The following PAPPA variants were observed in gnomAD, a reference collection of about 807,000 sequenced individuals.
PAPPA encodes the protein pappalysin-1.
PAPPA carries 60 observed loss-of-function variants against 164.0 expected under a neutral mutation model. That is an observed-to-expected ratio of 0.37 (90% CI 0.30 to 0.45). The LOEUF is 0.45. Ranked by LOEUF, PAPPA falls within the 20% of genes least tolerant of loss-of-function variation. The pLI, the probability that PAPPA is intolerant of heterozygous loss-of-function variation, is 1.00. For synonymous variants in PAPPA, 875 were observed against 814.1 expected (o/e 1.07, Z -1.27); for missense variants, 1,782 against 2,087.3 (o/e 0.85, Z 2.85).
At chr9:116,199,319 G>A (rs115036752) in intron 2 of PAPPA, among the ~76,000 whole-genome samples, 4 of 152,188 alleles carry the variant, frequency 2.6e-5, no homozygotes, top group African/African-American at 9.6e-5. Context: ...AATAAAGGGG[G>A]CTTTGATATG....
At chr9:116,362,830 C>T in intron 18 of PAPPA, 91 bp downstream of exon 18, 1 of 1,261,366 alleles carries the variant, frequency 7.9e-7, no homozygotes, top group Non-Finnish European at 1.1e-6. Context: ...AACACCCTGG[C>T]CACATGAGTT....
intron 13 of PAPPA, among the ~76,000 whole-genome samples, chr9:116,338,901 CTGT>C (rs1846098326): frequency 6.6e-6 from 1 of 152,188 alleles, no homozygotes; most frequent in African/African-American, 2.4e-5. Flanking sequence ...TTATAGACCT[CTGT>C]TGTTTTGTTC....
At chr9:116,301,231 A>G (rs567309691) in intron 9 of PAPPA, among the ~76,000 whole-genome samples, 1 of 152,292 alleles carries the variant, frequency 6.6e-6, no homozygotes, top group Non-Finnish European at 1.5e-5. Flanking sequence ...AATTTTTAAT[A>G]GCACCACTAT....
chr9:116,339,122 G>A (rs934109482), intron 13 of PAPPA, among the ~76,000 whole-genome samples: 4 of 152,152 alleles, frequency 2.6e-5, no homozygotes, highest in Admixed American at 1.3e-4. Context: ...CAAGGCTGGT[G>A]TTCCATAGAC....
rs754684753 is a variant in PAPPA at position 116,352,864 on chromosome 9, T to C, written c.4123T>C (p.Tyr1375His). Residue 1375 changes from tyrosine to histidine, a missense_variant, in exon 16 of 22, where the codon TAC (tyrosine) becomes CAC (histidine). By Grantham distance (83) the Tyr-to-His change is moderately conservative (BLOSUM62 2). This residue lies in a region of PAPPA where 1,324 missense variants were observed against 1,656.9 expected (regional missense o/e 0.80). Transcript: ENST00000328252. Reference sequence around the variant, plus strand: ...GCACAAGGTGGGCTCCTTCTGCAAATACAAATGCAAGCCTGGATACCATGT... The same window carrying C: ...GCACAAGGTGGGCTCCTTCTGCAAACACAAATGCAAGCCTGGATACCATGT... The part of the protein sequence containing the change: ...NKHKVGSFCK[Y>H]KCKPGYHVPG... 1 of 1,614,060 alleles carries C rather than the reference T, an allele frequency of 6.2e-7. No homozygotes were observed. Among genetic ancestry groups the C allele is most frequent in the Middle Eastern group, 1.6e-4 (1 of 6,062 alleles).
chr9:116,241,172 T>C (rs908716509), intron 7 of PAPPA, among the ~76,000 whole-genome samples: 2 of 152,194 alleles, frequency 1.3e-5, no homozygotes, highest in Non-Finnish European at 2.9e-5. Context: ...TTAGAAACTT[T>C]AGTGCATTCA....
chr9:116,335,183 C>G, intron 13 of PAPPA, 109 bp downstream of exon 13: 1 of 872,572 alleles, frequency 1.1e-6, no homozygotes, highest in South Asian at 1.6e-5. Flanking sequence ...CTGTGCATTT[C>G]TCCCTTCTCC....
At chr9:116,204,103 T>C (rs140628453) in intron 2 of PAPPA, among the ~76,000 whole-genome samples, 22 of 152,288 alleles carry the variant, frequency 1.4e-4, no homozygotes, top group African/African-American at 5.1e-4. Context: ...TTTCTAGTTA[T>C]GTGCTGGGAC....
intron 4 of PAPPA, among the ~76,000 whole-genome samples, chr9:116,218,660 T>G (rs1316882532): frequency 6.6e-6 from 1 of 152,180 alleles, no homozygotes; most frequent in African/African-American, 2.4e-5. Context: ...CCAAGCTCCC[T>G]TAGCCTCAGA....
At chr9:116,229,627 G>A (rs907720235) in intron 6 of PAPPA, among the ~76,000 whole-genome samples, 3 of 152,188 alleles carry the variant, frequency 2.0e-5, no homozygotes, top group Non-Finnish European at 4.4e-5. Flanking sequence ...GGACGGGTTT[G>A]GATTCACAGC....
intron 1 of PAPPA, among the ~76,000 whole-genome samples, chr9:116,175,320 C>T (rs1454460029): frequency 2.6e-5 from 4 of 152,148 alleles, no homozygotes; most frequent in Non-Finnish European, 5.9e-5. Context: ...ATCTATTATA[C>T]AACATGATGA....
At chr9:116,341,452 A>G (rs938263962) in intron 13 of PAPPA, among the ~76,000 whole-genome samples, 3 of 151,930 alleles carry the variant, frequency 2.0e-5, no homozygotes, top group African/African-American at 7.3e-5. Flanking sequence ...TCTGCCCCAA[A>G]CCTGTGTATG....
chr9:116,240,635 T>C (rs538240336), intron 7 of PAPPA, among the ~76,000 whole-genome samples: 1 of 152,220 alleles, frequency 6.6e-6, no homozygotes, highest in Non-Finnish European at 1.5e-5. Context: ...ATAGATAATC[T>C]CATTTGATCT....
chr9:116,225,334 A>G (rs1564190444), intron 5 of PAPPA, among the ~76,000 whole-genome samples: 2 of 152,188 alleles, frequency 1.3e-5, no homozygotes, highest in Non-Finnish European at 2.9e-5. Flanking sequence ...TATTTGTATA[A>G]TTGTTATTAT....
rs1213959708 is a variant in PAPPA at position 116,233,195 on chromosome 9, C to T, written c.2234-1944C>T. Among the ~76,000 whole-genome samples, 4 of 152,220 alleles carry T rather than the reference C, an allele frequency of 2.6e-5. 1 individual carries two copies. In the South Asian group the frequency reaches 8.3e-4, roughly 32 times the overall value. On this transcript the variant is annotated intron_variant, in intron 6 of 21. Transcript: ENST00000328252. The stretch of plus-strand genomic sequence containing the variant: ...CTAGGCACACTGTATTAAGCAAAAG[C>T]TACATGGCGTTGAGCGAAGCAGTGC...
At chr9:116,183,746 CCTT>C (rs1843935066) in intron 1 of PAPPA, among the ~76,000 whole-genome samples, 1 of 152,138 alleles carries the variant, frequency 6.6e-6, no homozygotes, top group African/African-American at 2.4e-5. Flanking sequence ...CCATTGAAAA[CCTT>C]CTCTTTGCCC....
At chr9:116,320,514 C>A (rs181540779) in intron 10 of PAPPA, among the ~76,000 whole-genome samples, 1 of 152,322 alleles carries the variant, frequency 6.6e-6, no homozygotes, top group East Asian at 1.9e-4. Context: ...GGAAATGCTT[C>A]TTTCCTTGAT....
In PAPPA at chr9:116,354,780, T is replaced by C. The variant is rs534139107; in HGVS notation, c.4347+987T>C. Among the ~76,000 whole-genome samples the C allele has an allele frequency of 1.4e-4, 21 of 152,250 alleles. No homozygotes were observed. The Middle Eastern group carries it at 0.01, about 74-fold the overall frequency. On this transcript the variant is annotated intron_variant, in intron 17 of 21. Transcript: ENST00000328252. Reference sequence around the variant, plus strand: ...TTCCTGTTTTAATTCCTGTGCCTCTTTCCAGTACATTCTTCACATTTCAGC... The same window carrying C: ...TTCCTGTTTTAATTCCTGTGCCTCTCTCCAGTACATTCTTCACATTTCAGC...
intron 1 of PAPPA, among the ~76,000 whole-genome samples, chr9:116,157,939 C>T (rs1843622432): frequency 6.6e-6 from 1 of 151,956 alleles, no homozygotes; most frequent in Admixed American, 6.6e-5. Flanking sequence ...AAACAAAAGA[C>T]TCAATTTGCT....
Sources: allele counts gnomAD v4.1 joint callset (sites outside exome capture counted in the v4.1 genomes callset), GRCh38; gene constraint gnomAD v4.1.1; regional missense constraint gnomAD v4.1.1; transcripts MANE v1.5; gene names NCBI Gene and HGNC (gene_info 2026-07-23, HGNC 2026-07-21).